Variants in GALNT17 observed in about 807,000 individuals in gnomAD.
GALNT17 encodes polypeptide N-acetylgalactosaminyltransferase 17.
A neutral mutation model predicts 63.7 loss-of-function variants in GALNT17; 29 were observed. The observed-to-expected ratio is 0.46, with a 90% confidence interval of 0.34 to 0.62. The LOEUF (loss-of-function observed/expected upper bound fraction) is 0.62. GALNT17 is among the 20% of genes least tolerant of loss of function. The probability of loss-of-function intolerance (pLI) is 0.01; values close to 1 mark genes in which losing one functional copy is unlikely to be tolerated. For synonymous variants in GALNT17, 305 were observed against 318.3 expected, an observed-to-expected ratio of 0.96 and a Z score of 0.45; for missense variants, 603 against 799.6, an observed-to-expected ratio of 0.75 and a Z score of 2.97.
intron 6 of GALNT17, among the ~76,000 whole-genome samples, chr7:71,639,931 G>T (rs779777947): frequency 6.6e-6 from 1 of 152,144 alleles, no homozygotes; most frequent in African/African-American, 2.4e-5. Context: ...AGCACCATTT[G>T]CTCTGAATAA....
intron 6 of GALNT17, among the ~76,000 whole-genome samples, chr7:71,575,275 T>A (rs1312578898): frequency 6.6e-6 from 1 of 152,170 alleles, no homozygotes; most frequent in Non-Finnish European, 1.5e-5. Flanking sequence ...ATATATATAA[T>A]TTTCATGTAG....
At chr7:71,543,800 C>CTT (rs71089957) in intron 5 of GALNT17, among the ~76,000 whole-genome samples, 85,817 of 146,904 alleles carry the variant, frequency 0.58, 26,660 homozygotes, top group Non-Finnish European at 0.69. Context: ...TCTTTTCTTT[C>CTT]TTTTTTTTTT....
At chr7:71,650,326 T>A (rs1207866714) in intron 6 of GALNT17, among the ~76,000 whole-genome samples, 1 of 152,212 alleles carries the variant, frequency 6.6e-6, no homozygotes, top group Non-Finnish European at 1.5e-5. Context: ...CTCTCTTCAC[T>A]GCAACCTCCA....
At chr7:71,511,661 T>C (rs1788358503) in intron 5 of GALNT17, among the ~76,000 whole-genome samples, 1 of 152,196 alleles carries the variant, frequency 6.6e-6, no homozygotes, top group Non-Finnish European at 1.5e-5. Context: ...AGTACCCTTT[T>C]TGAAGACCCT....
intron 6 of GALNT17, among the ~76,000 whole-genome samples, chr7:71,600,765 T>TC (rs1054221828): frequency 6.6e-6 from 1 of 151,132 alleles, no homozygotes; most frequent in African/African-American, 2.4e-5. Flanking sequence ...TTTTCACTCT[T>TC]TTTTTTATTT....
chr7:71,598,213 A>C (rs1789916295), intron 6 of GALNT17, among the ~76,000 whole-genome samples: 1 of 152,282 alleles, frequency 6.6e-6, no homozygotes, highest in East Asian at 1.9e-4. Context: ...AAGTTCTGGG[A>C]TTACAGGCAT....
intron 1 of GALNT17, among the ~76,000 whole-genome samples, chr7:71,170,650 A>G (rs967783292): frequency 6.6e-6 from 1 of 152,022 alleles, no homozygotes; most frequent in Non-Finnish European, 1.5e-5. Context: ...GCTTTATTTA[A>G]AAAGTAGCTT....
chr7:71,471,387 A>AT (rs138380823), intron 5 of GALNT17, among the ~76,000 whole-genome samples: 22 of 122,952 alleles, frequency 1.8e-4, no homozygotes, highest in East Asian at 7.5e-4. Context: ...TGAGCTCAGC[A>AT]TTTTTTTTTT....
intron 6 of GALNT17, among the ~76,000 whole-genome samples, chr7:71,651,220 CAAAAAAAA>C (rs71089971): frequency 1.5e-5 from 1 of 67,614 alleles, no homozygotes; most frequent in Admixed American, 2.3e-4. Context: ...GATGGGAGCA[CAAAAAAAA>C]AAAAAAAAAA....
intron 6 of GALNT17, among the ~76,000 whole-genome samples, chr7:71,601,978 G>A (rs1343526886): frequency 6.6e-6 from 1 of 152,188 alleles, no homozygotes; most frequent in East Asian, 1.9e-4. Context: ...AGTGAGATGG[G>A]AACAGACTGG....
intron 5 of GALNT17, among the ~76,000 whole-genome samples, chr7:71,465,850 A>G (rs1787526595): frequency 5.3e-5 from 8 of 152,186 alleles, no homozygotes; most frequent in Admixed American, 5.2e-4. Flanking sequence ...TTGGAAGGAC[A>G]GTTTATGGTG....
chr7:71,629,449 T>G (rs1372507958), intron 6 of GALNT17, among the ~76,000 whole-genome samples: 1 of 152,156 alleles, frequency 6.6e-6, no homozygotes, highest in African/African-American at 2.4e-5. Flanking sequence ...TTGGGATCCC[T>G]TAAAGCTTAT....
intron 1 of GALNT17, among the ~76,000 whole-genome samples, chr7:71,246,323 A>C (rs1253554450): frequency 6.6e-6 from 1 of 151,010 alleles, no homozygotes; most frequent in African/African-American, 2.4e-5. Flanking sequence ...GGATTTCACC[A>C]TGTTGGCCAG....
intron 5 of GALNT17, among the ~76,000 whole-genome samples, chr7:71,488,574 CTTTT>C (rs965444360): frequency 4.0e-5 from 4 of 100,664 alleles, no homozygotes; most frequent in Non-Finnish European, 3.9e-5. Context: ...ACTTGCCCTT[CTTTT>C]TTTTTTTTTT....
At chr7:71,497,941 C>T (rs1472380931) in intron 5 of GALNT17, among the ~76,000 whole-genome samples, 1 of 151,932 alleles carries the variant, frequency 6.6e-6, no homozygotes, top group African/African-American at 2.4e-5. Flanking sequence ...TTTGCAAAAC[C>T]GAAAGTACAG....
At chr7:71,675,630 AAAAG>A (rs1266964751) in intron 8 of GALNT17, among the ~76,000 whole-genome samples, 3 of 152,030 alleles carry the variant, frequency 2.0e-5, no homozygotes, top group Admixed American at 6.6e-5. Flanking sequence ...CACTCAAAGA[AAAAG>A]AAAGAATTTA....
intron 4 of GALNT17, among the ~76,000 whole-genome samples, chr7:71,416,492 G>A (rs1484907648): frequency 1.3e-5 from 2 of 152,050 alleles, no homozygotes; most frequent in African/African-American, 2.4e-5. Flanking sequence ...CACGCCTGTA[G>A]TCTCGGCTAC....
Position 71,169,472 on chromosome 7 carries a change from T to C in GALNT17, c.238+36432T>C, listed in dbSNP as rs375056045. On this transcript the variant is annotated intron_variant, in intron 1 of 10. Transcript: ENST00000333538. ...CAGTGGTTTCAGCGGGAAAAGCCAG[T>C]GTGGTCTCTGTTTCTCCGTCTTGGT... Among the ~76,000 whole-genome samples the C allele has an allele frequency of 1.8e-4, 28 of 152,324 alleles. No homozygotes were observed. The East Asian group carries it at 5.4e-3, about 29-fold the overall frequency.
chr7:71,610,340 G>A (rs1329127210), intron 6 of GALNT17, among the ~76,000 whole-genome samples: 1 of 151,798 alleles, frequency 6.6e-6, no homozygotes, highest in Non-Finnish European at 1.5e-5. Context: ...AAAATAACTG[G>A]GCATGGTTGT....
Sources: allele counts gnomAD v4.1 joint callset (sites outside exome capture counted in the v4.1 genomes callset), GRCh38; gene constraint gnomAD v4.1.1; transcripts MANE v1.5; gene names NCBI Gene and HGNC (gene_info 2026-07-23, HGNC 2026-07-21).